Variants in ARHGAP23 observed in about 807,000 individuals in gnomAD.
ARHGAP23 encodes the protein rho GTPase-activating protein 23.
Under a neutral mutation model 136.3 loss-of-function variants are expected in ARHGAP23, and 34 were observed. The ratio of observed to expected loss-of-function variants is 0.25; its 90% CI spans 0.19 to 0.33. The LOEUF is 0.33. Among genes scored for constraint, ARHGAP23 ranks in the 10% least tolerant of loss-of-function variants. ARHGAP23 has a pLI of 1.00. For missense variants in ARHGAP23, 1,808 were observed against 2,139.0 expected (o/e 0.85, Z 3.05); for synonymous variants, 832 against 920.5 (o/e 0.90, Z 1.74).
At chr17:38,435,597 A>G (rs182647039) in intron 1 of ARHGAP23, among the ~76,000 whole-genome samples, 5 of 152,234 alleles carry the variant, frequency 3.3e-5, no homozygotes, top group Middle Eastern at 6.8e-3. Flanking sequence ...GTACTGGGGA[A>G]AATTTTTTGT....
chr17:38,463,229 C>G, intron 5 of ARHGAP23, 33 bp downstream of exon 5: 1 of 1,550,584 alleles, frequency 6.4e-7, no homozygotes, highest in Non-Finnish European at 8.7e-7. Context: ...CCCATATTAT[C>G]TCCCCTCCCC....
chr17:38,449,726 A>C (rs922771344), intron 1 of ARHGAP23, among the ~76,000 whole-genome samples: 2 of 152,138 alleles, frequency 1.3e-5, no homozygotes, highest in African/African-American at 4.8e-5. Flanking sequence ...GTGGTGTGCA[A>C]CTGGTGTACA....
At chr17:38,442,906 T>C (rs2038950529) in intron 1 of ARHGAP23, among the ~76,000 whole-genome samples, 1 of 152,028 alleles carries the variant, frequency 6.6e-6, no homozygotes, top group Non-Finnish European at 1.5e-5. Context: ...AATGGTGTAA[T>C]GAAGTGAGCA....
rs555775777 is a variant in ARHGAP23 at position 38,476,935 on chromosome 17, G to T, written c.2119-644G>T. On this transcript the variant is annotated intron_variant, in intron 11 of 23. Transcript: ENST00000622683. ...AGGGCAAGTAGAGAAGACTAGGAAG[G>T]AGCCAGTGGCATTAGGAAGAAAGCT... Among the ~76,000 whole-genome samples, 77 of 152,302 alleles carry T rather than the reference G, an allele frequency of 5.1e-4. No individual in the cohort carries two copies. The East Asian group carries it at 6.0e-3, about 12-fold the overall frequency.
chr17:38,461,005 C>G (rs2039447763), intron 3 of ARHGAP23, 73 bp downstream of exon 3: 71 of 1,510,844 alleles, frequency 4.7e-5, no homozygotes, highest in Non-Finnish European at 6.2e-5. Context: ...CTGTCCTCCC[C>G]TAAGACTGCC....
chr17:38,482,733 G>T, intron 16 of ARHGAP23, 55 bp downstream of exon 16: 3 of 1,486,840 alleles, frequency 2.0e-6, no homozygotes, highest in African/African-American at 1.4e-5. Context: ...TGTGGGTGGT[G>T]CTCCGCTTGG....
At chr17:38,434,313 T>C (rs1188528914) in intron 1 of ARHGAP23, among the ~76,000 whole-genome samples, 4 of 152,204 alleles carry the variant, frequency 2.6e-5, no homozygotes, top group Non-Finnish European at 5.9e-5. Flanking sequence ...TTATGCCCAG[T>C]GCATTTGGGG....
intron 12 of ARHGAP23, among the ~76,000 whole-genome samples, chr17:38,478,911 AG>A (rs1028139342): frequency 6.6e-6 from 1 of 152,040 alleles, no homozygotes; most frequent in South Asian, 2.1e-4. Flanking sequence ...TGGCCGTGGG[AG>A]GGGGTGCTAG....
In ARHGAP23 at chr17:38,479,446, G is replaced by T. The variant is rs1005352929; in HGVS notation, c.2447G>T (p.Cys816Phe). 7.1e-6 allele frequency: 11 copies of T among 1,547,110 alleles called. No individual in the cohort carries two copies. The highest frequency in any genetic ancestry group is 9.6e-6 in the Non-Finnish European group (11 of 1,144,564). ...NSRAEGEDPGCANQALISKKL... is the reference protein window; with the variant it reads ...NSRAEGEDPGFANQALISKKL... ...CCTCTCCTGCTTCAGGACCCCGGCT[G>T]TGCCAACCAAGCTCTGATCAGCAAG... Residue 816 changes from cysteine (C) to phenylalanine (F), a missense_variant, in exon 13 of 24, where the codon TGT becomes TTT. Cys to Phe is a radical substitution (Grantham distance 205). Around this residue, in one of 7 missense-constraint regions of ARHGAP23, gnomAD observed 139 missense variants for 264.3 expected, o/e 0.53. Coordinates refer to ENST00000622683, the MANE Select transcript of ARHGAP23 (RefSeq NM_001199417.2).
In ARHGAP23 at chr17:38,489,020, C is replaced by T. The variant is rs35348639; in HGVS notation, c.2987-1082C>T. Among the ~76,000 whole-genome samples the T allele has an allele frequency of 4.0e-4, 61 of 151,866 alleles. No homozygotes were observed. In the East Asian group the frequency reaches 6.6e-3, roughly 16 times the overall value. On this transcript the variant is annotated intron_variant, in intron 17 of 23. Transcript: ENST00000622683. Reference sequence around the variant, plus strand: ...CCTCCCAAGTAGCTGGGATTACAGGCGCCTACCACCATGCCCAGTTAATTT... The same window carrying T: ...CCTCCCAAGTAGCTGGGATTACAGGTGCCTACCACCATGCCCAGTTAATTT...
Position 38,511,051 on chromosome 17 carries a change from T to C in ARHGAP23, c.*79T>C. 1 of 1,325,528 alleles carries C rather than the reference T, an allele frequency of 7.5e-7. No individual in the cohort carries two copies. The highest frequency in any genetic ancestry group is 1.6e-5 in the African/African-American group (1 of 64,212). 82.1% of individuals were successfully genotyped at this position (1,325,528 alleles called of 1,614,324 possible). On this transcript the variant is annotated 3_prime_UTR_variant, in exon 24 of 24. Coordinates refer to ENST00000622683, the MANE Select transcript of ARHGAP23 (RefSeq NM_001199417.2). Reference sequence around the variant, plus strand: ...CCAGGAGGCTTCACCAGCCTGCACCTCCTCTTCTGTGGCCCCTGGGTGCAT... The same window carrying C: ...CCAGGAGGCTTCACCAGCCTGCACCCCCTCTTCTGTGGCCCCTGGGTGCAT...
chr17:38,494,133 C>A (rs2040337903), intron 20 of ARHGAP23, among the ~76,000 whole-genome samples: 1 of 152,140 alleles, frequency 6.6e-6, no homozygotes, highest in Non-Finnish European at 1.5e-5. Context: ...GCCAAGTGCC[C>A]ACTGGGGTGG....
Position 38,469,656 on chromosome 17 carries a change from G to A in ARHGAP23, c.1916+21G>A, listed in dbSNP as rs1270922800. The A allele has an allele frequency of 1.5e-5, 23 of 1,546,226 alleles. No homozygotes were observed. In the East Asian group the frequency reaches 2.0e-4, roughly 13 times the overall value. ...CTGCGGTGAGGCCCTGTCCGGACAC[G>A]GGGTGGGGTGGCCACAGCCACCGTG... On this transcript the variant is annotated intron_variant, in intron 9 of 23. Coordinates refer to ENST00000622683, the MANE Select transcript of ARHGAP23 (RefSeq NM_001199417.2).
chr17:38,470,863 C>G (rs2039736645), intron 10 of ARHGAP23, among the ~76,000 whole-genome samples: 1 of 151,978 alleles, frequency 6.6e-6, no homozygotes, highest in Non-Finnish European at 1.5e-5. Context: ...CTTCGGTCTC[C>G]CAAAATGCTG....
Position 38,511,208 on chromosome 17 carries a change from G to A in ARHGAP23, c.*236G>A. On this transcript the variant is annotated 3_prime_UTR_variant, in exon 24 of 24. Transcript: ENST00000622683. ...GAGGTGATGAGCAGAAGAGGAGGGG[G>A]CGTGGGCTGCTGGGGTCTGTGTCCC... 1 of 486,648 alleles carries A rather than the reference G, an allele frequency of 2.1e-6. No individual in the cohort carries two copies. The highest frequency in any genetic ancestry group is 4.4e-5 in the Admixed American group (1 of 22,846). The allele number at this position is 486,648 out of a possible 1,614,324, so 30.1% of individuals were successfully genotyped here.
At chr17:38,463,517 T>A in intron 6 of ARHGAP23, 135 bp downstream of exon 6, 1 of 1,078,688 alleles carries the variant, frequency 9.3e-7, no homozygotes, top group South Asian at 1.4e-5. Context: ...GGCCCCTCCC[T>A]GGGCTGGGGC....
intron 22 of ARHGAP23, 35 bp from the exon 23 acceptor site, chr17:38,500,562 C>T (rs373869040): frequency 3.2e-6 from 5 of 1,545,418 alleles, no homozygotes; most frequent in South Asian, 2.4e-5. Flanking sequence ...TTTCCTGATG[C>T]AACTTTCATT....
Position 38,491,501 on chromosome 17 carries a change from G to A in ARHGAP23, c.3245G>A (p.Arg1082His). The change falls in exon 20 of 24, where the codon CGC becomes CAC. Residue 1082 changes from arginine to histidine, a missense_variant. Transcript: ENST00000622683. ...MTDMVTHMPD[R>H]YKIVETLIQH... ...GACATGGTGACCCACATGCCTGACC[G>A]CTACAAGATCGTGGAGACACTGATC... The A allele has an allele frequency of 6.5e-7, 1 of 1,549,592 alleles. No homozygotes were observed. Among genetic ancestry groups the A allele is most frequent in the Non-Finnish European group, 8.7e-7 (1 of 1,146,828 alleles).
chr17:38,481,437 G>T (rs1428706828), intron 14 of ARHGAP23, among the ~76,000 whole-genome samples: 1 of 151,862 alleles, frequency 6.6e-6, no homozygotes, highest in Non-Finnish European at 1.5e-5. Flanking sequence ...GTAAGCCACC[G>T]CGCCCGGCCC....
Sources: gnomAD v4.1 joint callset for allele counts (sites outside exome capture counted in the v4.1 genomes callset) on GRCh38, gnomAD v4.1.1 for gene constraint, gnomAD v4.1.1 regional missense constraint, MANE v1.5 for transcripts, NCBI Gene and HGNC (gene_info 2026-07-23, HGNC 2026-07-21) for gene names.